Variants in PRKCG observed in about 807,000 individuals in gnomAD.
PRKCG encodes protein kinase C gamma.
A neutral mutation model predicts 82.0 loss-of-function variants in PRKCG; 28 were observed. The observed-to-expected ratio is 0.34, with a 90% CI of 0.25 to 0.47. The LOEUF is 0.47. PRKCG is among the 20% of genes least tolerant of loss of function. The pLI is 1.00. For missense variants in PRKCG, 640 were observed against 952.7 expected (o/e 0.67, Z 4.32); for synonymous variants, 383 against 376.6 (o/e 1.02, Z -0.20).
intron 16 of PRKCG, among the ~76,000 whole-genome samples, chr19:53,906,000 T>G (rs2068800708): frequency 8.5e-6 from 1 of 117,340 alleles, no homozygotes; most frequent in African/African-American, 4.7e-5. Context: ...TCTCTGTCTC[T>G]CTCTGTCTCG....
chr19:53,895,781 C>T (rs974992846), intron 9 of PRKCG, among the ~76,000 whole-genome samples: 3 of 151,346 alleles, frequency 2.0e-5, no homozygotes, highest in South Asian at 2.1e-4. Flanking sequence ...GCTCTGCGGC[C>T]GGGCGCAGTG....
At chr19:53,886,208 G>T (rs1414582847) in intron 3 of PRKCG, among the ~76,000 whole-genome samples, 1 of 151,456 alleles carries the variant, frequency 6.6e-6, no homozygotes, top group South Asian at 2.1e-4. Flanking sequence ...AGGTTCAAGC[G>T]ATTCTCATGC....
chr19:53,890,835 TC>T (rs1318553245), intron 5 of PRKCG, among the ~76,000 whole-genome samples: 1 of 148,970 alleles, frequency 6.7e-6, no homozygotes, highest in Non-Finnish European at 1.5e-5. Context: ...CACTGCAACC[TC>T]CGCCTCTCAG....
At chr19:53,893,858 A>G (rs1266041407) in intron 9 of PRKCG, among the ~76,000 whole-genome samples, 1 of 151,510 alleles carries the variant, frequency 6.6e-6, no homozygotes, top group African/African-American at 2.4e-5. Context: ...GGTTCAAGCA[A>G]TTCTCTTGCC....
intron 11 of PRKCG, among the ~76,000 whole-genome samples, chr19:53,899,853 C>T (rs1250264886): frequency 1.3e-5 from 2 of 152,188 alleles, no homozygotes; most frequent in Non-Finnish European, 2.9e-5. Context: ...TCCCAAAGTG[C>T]TGGGATTACA....
At chr19:53,897,908 T>C in intron 9 of PRKCG, 51 bp from the exon 10 acceptor site, 3 of 1,611,912 alleles carry the variant, frequency 1.9e-6, no homozygotes, top group Non-Finnish European at 2.5e-6. Flanking sequence ...CATTTCCTTA[T>C]CGCTGTGTAA....
At position 53,900,379 on chromosome 19, in the gene PRKCG, C is replaced by A; in HGVS notation, c.1374-40C>A. On this transcript the variant is annotated intron_variant, in intron 12 of 17. Coordinates refer to ENST00000263431, the MANE Select transcript of PRKCG (RefSeq NM_002739.5). The surrounding 1 kb of genome is among the most constrained non-coding windows in gnomAD (Gnocchi z 4.2). ...GGTGGTGGAAGGGGGCAGGATCCAGCCACTGACCTTCTGACGTCCCCACCC... is the reference window on the plus strand; with the variant it reads ...GGTGGTGGAAGGGGGCAGGATCCAGACACTGACCTTCTGACGTCCCCACCC... 1 of 1,613,978 alleles carries A rather than the reference C, an allele frequency of 6.2e-7. No homozygotes were observed. Among genetic ancestry groups the A allele is most frequent in the South Asian group, 1.1e-5 (1 of 91,080 alleles).
At chr19:53,891,938 C>A in intron 6 of PRKCG, 108 bp downstream of exon 6, 1 of 1,349,672 alleles carries the variant, frequency 7.4e-7, no homozygotes, top group Non-Finnish European at 1.0e-6. Context: ...AGAGGGAACC[C>A]AGAAAAGGGC....
intron 16 of PRKCG, 37 bp from the exon 17 acceptor site, chr19:53,906,280 C>T (rs1599956339): frequency 1.3e-6 from 2 of 1,550,714 alleles, no homozygotes; most frequent in East Asian, 2.5e-5. Context: ...GGCACTCTGT[C>T]TGTTTGTCTG....
In PRKCG at chr19:53,900,366, G is replaced by A. The variant is rs777965046; in HGVS notation, c.1373+42G>A. 8.0e-5 allele frequency: 129 copies of A among 1,613,810 alleles called. No homozygotes were observed. Among genetic ancestry groups the A allele is most frequent in the Non-Finnish European group, 1.0e-4 (122 of 1,179,848 alleles). On this transcript the variant is annotated intron_variant, in intron 12 of 17. Transcript: ENST00000263431. This position sits in a 1 kb window ranked among gnomAD's most constrained non-coding sequence, Gnocchi z 4.2. ...AGAGAATGGTCGGGGTGGTGGAAGG[G>A]GGCAGGATCCAGCCACTGACCTTCT... is the stretch of plus-strand genomic sequence containing the variant.
In PRKCG at chr19:53,889,347, A is replaced by G. The variant is rs2068654095; in HGVS notation, c.286-291A>G. 6.6e-6 allele frequency among the ~76,000 whole-genome samples: 1 copy of G among 151,912 alleles called. No individual in the cohort carries two copies. Among genetic ancestry groups the G allele is most frequent in the Non-Finnish European group, 1.5e-5 (1 of 68,004 alleles). ...CCAGAGCACCCATTACCAACCATCAAACTATATGTTTTATTTATTTACCAT... is the reference window on the plus strand; with the variant it reads ...CCAGAGCACCCATTACCAACCATCAGACTATATGTTTTATTTATTTACCAT... On this transcript the variant is annotated intron_variant, in intron 3 of 17. Transcript: ENST00000263431. This position sits in a 1 kb window ranked among gnomAD's most constrained non-coding sequence, Gnocchi z 4.4.
chr19:53,890,249 T>G (rs2122990346), intron 5 of PRKCG, among the ~76,000 whole-genome samples: 1 of 152,218 alleles, frequency 6.6e-6, no homozygotes, highest in Admixed American at 6.5e-5. Context: ...CACCTGTTAA[T>G]GACTTTGACT....
intron 14 of PRKCG, among the ~76,000 whole-genome samples, chr19:53,901,861 AAAAAAG>A (rs908212140): frequency 4.6e-5 from 7 of 151,812 alleles, no homozygotes; most frequent in East Asian, 1.9e-4. Context: ...AAAAAAAAAA[AAAAAAG>A]AAAAAGAAAA....
In PRKCG at chr19:53,882,741, A is replaced by G; in HGVS notation, c.170+77A>G. Reference sequence around the variant, plus strand: ...CTCCTATCACGCCGACCCCTGTGGAAGGAAGAAGGAGGGGGCTGTAGTCCC... The same window carrying G: ...CTCCTATCACGCCGACCCCTGTGGAGGGAAGAAGGAGGGGGCTGTAGTCCC... On this transcript the variant is annotated intron_variant, in intron 1 of 17. Coordinates refer to ENST00000263431, the MANE Select transcript of PRKCG (RefSeq NM_002739.5). The surrounding 1 kb of genome is among the most constrained non-coding windows in gnomAD (Gnocchi z 6.1). 1 of 1,555,254 alleles carries G rather than the reference A, an allele frequency of 6.4e-7. No individual in the cohort carries two copies. Among genetic ancestry groups the G allele is most frequent in the Non-Finnish European group, 8.7e-7 (1 of 1,147,542 alleles).
In PRKCG at chr19:53,898,773, G is replaced by T. The variant is rs1468021743; in HGVS notation, c.1281+145G>T. The T allele has an allele frequency of 1.2e-5, 6 of 512,200 alleles. No individual in the cohort carries two copies. The African/African-American group carries it at 1.4e-4, about 12-fold the overall frequency. 31.7% of individuals were successfully genotyped at this position (512,200 alleles called of 1,614,324 possible). A position where few individuals can be genotyped will look rare whatever the true frequency, so the allele number is the denominator to read the frequency against. On this transcript the variant is annotated intron_variant, in intron 11 of 17. Coordinates refer to ENST00000263431, the MANE Select transcript of PRKCG (RefSeq NM_002739.5). The stretch of plus-strand genomic sequence containing the variant: ...AGGCCAGGCGGATTGTCTCCTCAGG[G>T]GGCGTGGCCGGGGGGGGGTCCTTGG...
intron 5 of PRKCG, among the ~76,000 whole-genome samples, chr19:53,890,916 T>C (rs1257341380): frequency 6.6e-6 from 1 of 151,352 alleles, no homozygotes; most frequent in Non-Finnish European, 1.5e-5. Flanking sequence ...TGCACCCAGC[T>C]CATTTTTGTA....
intron 3 of PRKCG, among the ~76,000 whole-genome samples, chr19:53,887,080 T>G (rs1336134600): frequency 1.3e-5 from 2 of 152,066 alleles, no homozygotes; most frequent in Non-Finnish European, 2.9e-5. Context: ...TTTTGTTTTT[T>G]TTTGCTGTTG....
chr19:53,888,984 GCT>G (rs2068651603), intron 3 of PRKCG, among the ~76,000 whole-genome samples: 1 of 151,988 alleles, frequency 6.6e-6, no homozygotes, highest in African/African-American at 2.4e-5. Context: ...ACAGAATCTT[GCT>G]CTGTCATCCA....
rs2145889259 is a variant in PRKCG, at chr19:53,906,343, C to G, written c.1791C>G (p.Arg597=). ...TCCTGACCAAGCACCCAGGGAAGCG[C>G]CTGGGCTCAGGGCCTGATGGGGAAC... ...KGFLTKHPGK[R]LGSGPDGEPT... The change falls in exon 17 of 18, where the codon CGC becomes CGG. Residue 597 remains arginine (R), a synonymous_variant. Coordinates refer to ENST00000263431, the MANE Select transcript of PRKCG (RefSeq NM_002739.5). The G allele has an allele frequency of 6.4e-7, 1 of 1,551,874 alleles. No homozygotes were observed. Among genetic ancestry groups the G allele is most frequent in the East Asian group, 2.4e-5 (1 of 40,916 alleles).
Sources: allele counts gnomAD v4.1 joint callset (sites outside exome capture counted in the v4.1 genomes callset), GRCh38; gene constraint gnomAD v4.1.1; non-coding constraint Gnocchi (gnomAD v3.1); transcripts MANE v1.5; gene names NCBI Gene and HGNC (gene_info 2026-07-23, HGNC 2026-07-21).